B3GALNT2: variants seen among roughly 807,000 people sequenced by gnomAD.
B3GALNT2 encodes the protein UDP-GalNAc:beta-1,3-N-acetylgalactosaminyltransferase 2.
In B3GALNT2, 53 loss-of-function variants were observed where a neutral mutation model predicts 61.1. The ratio of observed to expected loss-of-function variants is 0.87; its 90% CI spans 0.70 to 1.09. The LOEUF (loss-of-function observed/expected upper bound fraction) is 1.09, where lower values mean the gene tolerates loss of function less well. Ranked by LOEUF, B3GALNT2 falls within the 50% of genes least tolerant of loss-of-function variation. B3GALNT2 has a pLI of 0.00. For missense variants in B3GALNT2, 544 were observed against 623.0 expected (o/e 0.87, Z 1.35); for synonymous variants, 223 against 237.4 (o/e 0.94, Z 0.56).
chr1:235,493,841 C>A (rs775057901), intron 2 of B3GALNT2, among the ~76,000 whole-genome samples: 1 of 152,150 alleles, frequency 6.6e-6, no homozygotes, highest in Non-Finnish European at 1.5e-5. Flanking sequence ...TGTGCCAGTG[C>A]AATTCAATCC....
rs758736402 is a variant in B3GALNT2 at position 235,494,853 on chromosome 1, A to T, written c.113-25T>A. The T allele has an allele frequency of 4.5e-6, 7 of 1,561,956 alleles. No homozygotes were observed. In the East Asian group the frequency reaches 9.1e-5, roughly 20 times the overall value. On this transcript the variant is annotated intron_variant, in intron 1 of 11. Coordinates refer to ENST00000366600, the MANE Select transcript of B3GALNT2 (RefSeq NM_152490.5). ...TCTAGAAATAAGAACAATACATGAG[A>T]AATAAGTCATGTATCAATTACTATG...
intron 2 of B3GALNT2, among the ~76,000 whole-genome samples, chr1:235,494,179 A>AC (rs1299655980): frequency 6.6e-5 from 10 of 152,226 alleles, no homozygotes; most frequent in African/African-American, 2.4e-4. Context: ...TTAGACATGC[A>AC]CATGTGTCTA....
chr1:235,463,347 C>T (rs1200221309), intron 7 of B3GALNT2: 1 of 152,028 alleles, frequency 6.6e-6, no homozygotes, highest in African/African-American at 2.4e-5. Context: ...TGTAATCAAA[C>T]ACCACCTGCT....
chr1:235,442,170 G>A, the B3GALNT2 span, among the ~76,000 whole-genome samples: 5 of 151,914 alleles, frequency 3.3e-5, no homozygotes, highest in East Asian at 3.9e-4. Context: ...AACCATGCCC[G>A]GCTAATTTTT....
At chr1:235,453,312 G>A (rs1683013014) in intron 10 of B3GALNT2, among the ~76,000 whole-genome samples, 166 bp from the exon 11 acceptor site, 1 of 152,040 alleles carries the variant, frequency 6.6e-6, no homozygotes, top group African/African-American at 2.4e-5. Context: ...AAAGCTAGTG[G>A]TCTTTAATAT....
intron 1 of B3GALNT2, chr1:235,496,286 G>A (rs1685317549): frequency 2.9e-6 from 2 of 689,210 alleles, no homozygotes; most frequent in Non-Finnish European, 3.9e-6. Context: ...ACTCCAGCCT[G>A]GGCAACAAGA....
At position 235,504,412 on chromosome 1, in the gene B3GALNT2, C is replaced by T. The variant is rs998025038; in HGVS notation, c.-160G>A. 7 of 744,826 alleles carry T rather than the reference C, an allele frequency of 9.4e-6. No homozygotes were observed. Among genetic ancestry groups the T allele is most frequent in the Non-Finnish European group, 1.4e-5 (7 of 517,584 alleles). The allele number at this position is 744,826 out of a possible 1,614,324, so 46.1% of individuals were successfully genotyped here. ...TGGGGGGCTCCTCGCAGCTCCCGGCCCCGCTCCTCCGGTCCCTCAGACCGC... is the reference window on the plus strand; with the variant it reads ...TGGGGGGCTCCTCGCAGCTCCCGGCTCCGCTCCTCCGGTCCCTCAGACCGC... On this transcript the variant is annotated 5_prime_UTR_variant, in exon 1 of 12. Coordinates refer to ENST00000366600, the MANE Select transcript of B3GALNT2 (RefSeq NM_152490.5).
chr1:235,493,697 G>A (rs916559341), intron 2 of B3GALNT2, among the ~76,000 whole-genome samples: 27 of 152,056 alleles, frequency 1.8e-4, no homozygotes, highest in African/African-American at 6.3e-4. Context: ...AGAATCGCTT[G>A]AACCCAGGAA....
intron 3 of B3GALNT2, among the ~76,000 whole-genome samples, chr1:235,486,666 T>C (rs1684821575): frequency 6.6e-6 from 1 of 152,256 alleles, no homozygotes; most frequent in Non-Finnish European, 1.5e-5. Context: ...AACCTAGGTA[T>C]TACATATATG....
intron 2 of B3GALNT2, among the ~76,000 whole-genome samples, chr1:235,490,730 A>AAT (rs1331374441): frequency 6.6e-6 from 1 of 151,608 alleles, no homozygotes; most frequent in Admixed American, 6.6e-5. Flanking sequence ...ATAATCTTAT[A>AAT]ATATATATTA....
chr1:235,480,650 A>T (rs1313808539), intron 4 of B3GALNT2, among the ~76,000 whole-genome samples: 1 of 152,076 alleles, frequency 6.6e-6, no homozygotes, highest in Non-Finnish European at 1.5e-5. Context: ...CACGCTTGTA[A>T]TCCCACCACT....
Position 235,455,622 on chromosome 1 carries a change from A to C in B3GALNT2, c.1088T>G (p.Leu363Arg), listed in dbSNP as rs752094844. 8.1e-6 allele frequency: 13 copies of C among 1,604,970 alleles called. No homozygotes were observed. Among genetic ancestry groups the C allele is most frequent in the Non-Finnish European group, 1.1e-5 (13 of 1,171,588 alleles). Reference sequence around the variant, plus strand: ...GACAATCCTATTAAATACAGCTTCGAGGTCTATGTAACAGTCATCATCTGT... The same window carrying C: ...GACAATCCTATTAAATACAGCTTCGCGGTCTATGTAACAGTCATCATCTGT... Reference protein sequence around the residue: ...LKTDDDCYIDLEAVFNRIVQK... With the variant: ...LKTDDDCYIDREAVFNRIVQK... Residue 363 changes from leucine (L) to arginine (R), a missense_variant, in exon 9 of 12, where the codon CTC becomes CGC. Leu to Arg is a moderately radical substitution (Grantham distance 102). Transcript: ENST00000366600.
intron 1 of B3GALNT2, among the ~76,000 whole-genome samples, chr1:235,501,548 T>C (rs1217799251): frequency 1.3e-5 from 2 of 152,238 alleles, no homozygotes; most frequent in African/African-American, 4.8e-5. Context: ...AATTGTAAAC[T>C]ACATGAGGGC....
intron 6 of B3GALNT2, among the ~76,000 whole-genome samples, chr1:235,470,432 A>C (rs567177921): frequency 6.6e-6 from 1 of 152,150 alleles, no homozygotes; most frequent in East Asian, 1.9e-4. Flanking sequence ...CTCTACAAAA[A>C]ACACAAAAAG....
intron 9 of B3GALNT2, 115 bp downstream of exon 9, chr1:235,455,444 T>C (rs1683115851): frequency 9.1e-7 from 1 of 1,102,928 alleles, no homozygotes; most frequent in Non-Finnish European, 1.3e-6. Context: ...CCCAGGAGTC[T>C]AGTACGAAAT....
chr1:235,482,469 C>T (rs143801745), intron 4 of B3GALNT2, among the ~76,000 whole-genome samples: 77 of 152,164 alleles, frequency 5.1e-4, no homozygotes, highest in Non-Finnish European at 8.5e-4. Context: ...CTGTGGCTGA[C>T]TCATGAAATA....
chr1:235,440,025 C>A, the B3GALNT2 span, among the ~76,000 whole-genome samples: 1 of 151,962 alleles, frequency 6.6e-6, no homozygotes, highest in African/African-American at 2.4e-5. Context: ...GGCTGGAGTG[C>A]AGTGCCGCGA....
chr1:235,443,168 A>G (rs1033200703), downstream of B3GALNT2, among the ~76,000 whole-genome samples: 4 of 136,248 alleles, frequency 2.9e-5, no homozygotes, highest in African/African-American at 1.2e-4. Context: ...ATATAATTAC[A>G]CACACACACA....
Position 235,448,659 on chromosome 1 carries a change from T to C in B3GALNT2, c.*1547A>G, listed in dbSNP as rs747195091. ...TAATCACATCCTTCCCCACCTTCGT[T>C]CTAATTTTAGAAGCCGGGCAGAGAA... is the stretch of plus-strand genomic sequence containing the variant. On this transcript the variant is annotated 3_prime_UTR_variant, in exon 12 of 12. Transcript: ENST00000366600. 1 of 1,610,376 alleles carries C rather than the reference T, an allele frequency of 6.2e-7. No homozygotes were observed. Among genetic ancestry groups the C allele is most frequent in the Non-Finnish European group, 8.5e-7 (1 of 1,176,662 alleles).
Sources: allele counts gnomAD v4.1 joint callset (sites outside exome capture counted in the v4.1 genomes callset), GRCh38; gene constraint gnomAD v4.1.1; transcripts MANE v1.5; gene names NCBI Gene and HGNC (gene_info 2026-07-23, HGNC 2026-07-21).